The following ST8SIA5 variants were observed in gnomAD, a reference collection of about 807,000 sequenced individuals.
ST8SIA5 encodes alpha-2,8-sialyltransferase 8E.
A neutral mutation model predicts 40.2 loss-of-function variants in ST8SIA5; 24 were observed. That is an observed-to-expected ratio of 0.60 (90% CI 0.43 to 0.84). The LOEUF (loss-of-function observed/expected upper bound fraction) is 0.84. ST8SIA5 is among the 40% of genes least tolerant of loss of function. ST8SIA5 has a pLI of 0.00. For missense variants in ST8SIA5, 465 were observed against 498.5 expected (o/e 0.93, Z 0.64); for synonymous variants, 198 against 201.8 (o/e 0.98, Z 0.16).
At chr18:46,691,214 G>A (rs537652237) in intron 3 of ST8SIA5, among the ~76,000 whole-genome samples, 25 of 152,326 alleles carry the variant, frequency 1.6e-4, no homozygotes, top group African/African-American at 5.8e-4. Context: ...TAGTCTCCCA[G>A]AGGCCTCTGG....
intron 2 of ST8SIA5, among the ~76,000 whole-genome samples, chr18:46,703,287 A>C (rs557831997): frequency 6.6e-6 from 1 of 152,206 alleles, no homozygotes; most frequent in African/African-American, 2.4e-5. Flanking sequence ...CTGGGACTAC[A>C]GGCGCCTGCC....
rs375964600 is a variant in ST8SIA5 at position 46,680,384 on chromosome 18, G to T, written c.789C>A (p.Tyr263Ter). The T allele has an allele frequency of 4.4e-5, 71 of 1,613,914 alleles. No individual in the cohort carries two copies. Among genetic ancestry groups the T allele is most frequent in the Admixed American group, 1.7e-5 (1 of 59,970 alleles). ...RNTDVSIRVK[Y>*]VLDDFESPQA... ...GCGGCGATTCGAAGTCGTCCAGCAC[G>T]TACTTGACGCGGATGGACACGTCGG... The change falls in exon 7 of 7, where the codon TAC becomes TAA. Residue 263 changes from tyrosine to a stop codon, truncating the protein, a stop_gained. Transcript: ENST00000315087. LOFTEE classifies it high-confidence loss of function.
chr18:46,703,956 G>A (rs190785455), intron 2 of ST8SIA5, among the ~76,000 whole-genome samples: 1 of 152,274 alleles, frequency 6.6e-6, no homozygotes, highest in Non-Finnish European at 1.5e-5. Flanking sequence ...TAAGTGGGGA[G>A]TGGGGAGCAC....
intron 1 of ST8SIA5, among the ~76,000 whole-genome samples, chr18:46,713,730 G>C (rs1040805289): frequency 6.6e-6 from 1 of 152,160 alleles, no homozygotes; most frequent in African/African-American, 2.4e-5. Context: ...TTGGAAATGG[G>C]GGTCAAAGAA....
chr18:46,741,158 A>G (rs2040083287), intron 1 of ST8SIA5, among the ~76,000 whole-genome samples: 2 of 152,280 alleles, frequency 1.3e-5, no homozygotes, highest in South Asian at 4.1e-4. Flanking sequence ...ACAGAAAAAG[A>G]AACAAGTAAA....
chr18:46,686,085 C>T (rs1359135414), intron 5 of ST8SIA5, 89 bp downstream of exon 5: 9 of 1,280,634 alleles, frequency 7.0e-6, no homozygotes, highest in South Asian at 1.2e-5. Context: ...GGATTACTTG[C>T]TTAAAGGGTA....
intron 1 of ST8SIA5, among the ~76,000 whole-genome samples, chr18:46,748,518 C>T (rs1358442822): frequency 2.9e-5 from 4 of 139,902 alleles, no homozygotes; most frequent in Non-Finnish European, 4.5e-5. Flanking sequence ...GAGCTGAGAT[C>T]GCACCATTGC....
At chr18:46,685,955 T>C (rs2039442022) in intron 5 of ST8SIA5, 3 of 581,784 alleles carry the variant, frequency 5.2e-6, no homozygotes. Context: ...TCTTAACACA[T>C]CTCCCATTGT....
chr18:46,698,544 C>T (rs1026324541), intron 2 of ST8SIA5, among the ~76,000 whole-genome samples: 2 of 152,138 alleles, frequency 1.3e-5, no homozygotes, highest in Non-Finnish European at 2.9e-5. Flanking sequence ...CGCCAACAGT[C>T]CAAACAACAA....
At chr18:46,744,354 A>G (rs2040117588) in intron 1 of ST8SIA5, among the ~76,000 whole-genome samples, 1 of 152,202 alleles carries the variant, frequency 6.6e-6, no homozygotes, top group South Asian at 2.1e-4. Flanking sequence ...GGCTCAAAAT[A>G]AAGGGATGGA....
intron 1 of ST8SIA5, among the ~76,000 whole-genome samples, chr18:46,741,839 C>T (rs925881716): frequency 5.9e-5 from 9 of 152,138 alleles, no homozygotes; most frequent in Admixed American, 2.0e-4. Context: ...CAGTGGCTCA[C>T]ACCTGTAATC....
intron 1 of ST8SIA5, among the ~76,000 whole-genome samples, chr18:46,740,211 T>C (rs979384652): frequency 6.6e-5 from 10 of 152,168 alleles, no homozygotes; most frequent in African/African-American, 2.2e-4. Flanking sequence ...AAGTAGTAGA[T>C]GCATTCGTCA....
rs184397759 is a variant in ST8SIA5 at position 46,676,374 on chromosome 18, C to T, written c.*3668G>A. ...GACGTTTTGTTCATCACTAGCTCCC[C>T]GGCACCTGGCACCATGCCTGGCACA... On this transcript the variant is annotated 3_prime_UTR_variant, in exon 7 of 7. Coordinates refer to ENST00000315087, the MANE Select transcript of ST8SIA5 (RefSeq NM_013305.6). 10 of 152,352 alleles carry T rather than the reference C, an allele frequency of 6.6e-5. No homozygotes were observed. Among genetic ancestry groups the T allele is most frequent in the African/African-American group, 1.7e-4 (7 of 41,566 alleles). The allele number at this position is 152,352 out of a possible 1,614,324, so 9.4% of individuals were successfully genotyped here.
At chr18:46,688,042 T>C (rs947186943) in intron 4 of ST8SIA5, among the ~76,000 whole-genome samples, 18 of 152,196 alleles carry the variant, frequency 1.2e-4, no homozygotes, top group Admixed American at 6.5e-5. Context: ...GCATCAGTGA[T>C]CTGAACAGTT....
chr18:46,746,639 C>A (rs563938560), intron 1 of ST8SIA5, among the ~76,000 whole-genome samples: 1 of 152,160 alleles, frequency 6.6e-6, no homozygotes, highest in Non-Finnish European at 1.5e-5. Context: ...AATGGCCATA[C>A]TGCCCAAGGT....
chr18:46,746,606 A>G (rs1488923913), intron 1 of ST8SIA5, among the ~76,000 whole-genome samples: 1 of 152,220 alleles, frequency 6.6e-6, no homozygotes, highest in African/African-American at 2.4e-5. Flanking sequence ...ATGCTCATGG[A>G]TAGGAAGAAT....
intron 2 of ST8SIA5, among the ~76,000 whole-genome samples, chr18:46,701,550 C>T (rs925889180): frequency 6.6e-6 from 1 of 152,090 alleles, no homozygotes; most frequent in Non-Finnish European, 1.5e-5. Context: ...GACTCAGACC[C>T]GGGGCAACCA....
At chr18:46,694,934 G>A (rs1448283474) in intron 2 of ST8SIA5, among the ~76,000 whole-genome samples, 8 of 152,000 alleles carry the variant, frequency 5.3e-5, no homozygotes, top group East Asian at 1.9e-4. Context: ...CGAGGCGGGC[G>A]GATCATCTGA....
chr18:46,714,291 G>A (rs534734664), intron 1 of ST8SIA5, among the ~76,000 whole-genome samples: 1 of 152,296 alleles, frequency 6.6e-6, no homozygotes, highest in South Asian at 2.1e-4. Flanking sequence ...AATCTAATGG[G>A]TGGGTGGATG....
Sources: gnomAD v4.1 joint callset for allele counts (sites outside exome capture counted in the v4.1 genomes callset) on GRCh38, gnomAD v4.1.1 for gene constraint, MANE v1.5 for transcripts, NCBI Gene and HGNC (gene_info 2026-07-23, HGNC 2026-07-21) for gene names.